DDX46: variants seen among roughly 807,000 people sequenced by gnomAD.
The protein encoded by DDX46 is probable ATP-dependent RNA helicase DDX46.
Under a neutral mutation model 134.9 loss-of-function variants are expected in DDX46, and 30 were observed. The observed-to-expected ratio is 0.22, with a 90% confidence interval of 0.17 to 0.30. The LOEUF (loss-of-function observed/expected upper bound fraction) is 0.30. Ranked by LOEUF, DDX46 falls within the 10% of genes least tolerant of loss-of-function variation. The probability of loss-of-function intolerance (pLI) is 1.00; values close to 1 mark genes in which losing one functional copy is unlikely to be tolerated. For missense variants in DDX46, 622 were observed against 1,248.7 expected (o/e 0.50, Z 7.56); for synonymous variants, 415 against 404.1 (o/e 1.03, Z -0.32).
intron 4 of DDX46, among the ~76,000 whole-genome samples, chr5:134,772,863 G>T (rs923141255): frequency 6.6e-6 from 1 of 152,062 alleles, no homozygotes; most frequent in Non-Finnish European, 1.5e-5. Context: ...GTACAATGGC[G>T]TGATCTCAGC....
intron 4 of DDX46, 82 bp from the exon 5 acceptor site, chr5:134,773,614 G>A: frequency 1.4e-6 from 2 of 1,439,976 alleles, no homozygotes; most frequent in Non-Finnish European, 1.8e-6. Context: ...GAACTTACTG[G>A]AATGTCACTT....
chr5:134,796,207 T>G, intron 15 of DDX46, 57 bp downstream of exon 15: 1 of 1,570,132 alleles, frequency 6.4e-7, no homozygotes, highest in East Asian at 2.2e-5. Flanking sequence ...CCAAGCATTG[T>G]GCTGTGTTCT....
At chr5:134,810,898 C>G (rs1043366610) in intron 16 of DDX46, among the ~76,000 whole-genome samples, 8 of 151,634 alleles carry the variant, frequency 5.3e-5, no homozygotes, top group Admixed American at 2.6e-4. Flanking sequence ...CCCAGTTACT[C>G]GGGAGGCTGA....
At chr5:134,770,795 C>G in intron 3 of DDX46, 108 bp from the exon 4 acceptor site, 1 of 918,230 alleles carries the variant, frequency 1.1e-6, no homozygotes, top group Non-Finnish European at 1.5e-6. Context: ...CCAGTCTGGG[C>G]GACAGAGTGA....
At chr5:134,772,091 C>T (rs1328785213) in intron 4 of DDX46, among the ~76,000 whole-genome samples, 5 of 152,002 alleles carry the variant, frequency 3.3e-5, no homozygotes, top group African/African-American at 7.2e-5. Flanking sequence ...ATTAGCCAGG[C>T]GTGATGGCGC....
At chr5:134,803,114 C>A (rs965418909) in intron 15 of DDX46, among the ~76,000 whole-genome samples, 1 of 152,182 alleles carries the variant, frequency 6.6e-6, no homozygotes, top group Admixed American at 6.5e-5. Flanking sequence ...CTGCCTCAGT[C>A]TCCCAAGTAG....
At chr5:134,780,156 ATG>A in intron 6 of DDX46, among the ~76,000 whole-genome samples, 1 of 149,272 alleles carries the variant, frequency 6.7e-6, no homozygotes, top group African/African-American at 2.5e-5. Context: ...ATATATGTGC[ATG>A]TATATGTGTA....
At chr5:134,810,626 G>A (rs1755115918) in intron 16 of DDX46, among the ~76,000 whole-genome samples, 1 of 151,878 alleles carries the variant, frequency 6.6e-6, no homozygotes, top group African/African-American at 2.4e-5. Context: ...TTACAGGCGT[G>A]AGCCACTGCG....
chr5:134,809,207 G>A (rs1475592693), intron 16 of DDX46, among the ~76,000 whole-genome samples: 1 of 152,028 alleles, frequency 6.6e-6, no homozygotes, highest in African/African-American at 2.4e-5. Flanking sequence ...TAGCCTATTT[G>A]GGCTCTGTCA....
At chr5:134,771,021 T>C (rs748310113) in intron 4 of DDX46, 22 bp downstream of exon 4, 5 of 969,204 alleles carry the variant, frequency 5.2e-6, no homozygotes, top group Non-Finnish European at 7.9e-6. Context: ...AACTTAAAAA[T>C]AATTTTCTTT....
intron 16 of DDX46, 89 bp downstream of exon 16, chr5:134,808,030 G>A: frequency 8.2e-7 from 1 of 1,222,762 alleles, no homozygotes; most frequent in Middle Eastern, 2.9e-4. Flanking sequence ...TAGGAGTTAT[G>A]GAGACATTTT....
intron 4 of DDX46, among the ~76,000 whole-genome samples, chr5:134,772,232 C>G (rs938637190): frequency 6.8e-6 from 1 of 148,122 alleles, no homozygotes; most frequent in African/African-American, 2.5e-5. Context: ...AACTCTGTCT[C>G]AAATGTGAAG....
At position 134,781,266 on chromosome 5, in the gene DDX46, A is replaced by C; in HGVS notation, c.879+20A>C. On this transcript the variant is annotated intron_variant, in intron 7 of 22. Coordinates refer to ENST00000452510, the MANE Select transcript of DDX46 (RefSeq NM_001300860.2). ...ATGGAGGTGATTTTTCTTAATTTTGACTTTGTTTATGATACTATCCTGGAA... is the reference window on the plus strand; with the variant it reads ...ATGGAGGTGATTTTTCTTAATTTTGCCTTTGTTTATGATACTATCCTGGAA... The C allele has an allele frequency of 6.3e-7, 1 of 1,575,520 alleles. No homozygotes were observed. The highest frequency in any genetic ancestry group is 8.7e-7 in the Non-Finnish European group (1 of 1,153,730).
intron 15 of DDX46, among the ~76,000 whole-genome samples, chr5:134,798,581 T>A (rs1754737757): frequency 6.6e-6 from 1 of 152,228 alleles, no homozygotes; most frequent in Non-Finnish European, 1.5e-5. Flanking sequence ...TACTGTCTAT[T>A]TCTAGAACGT....
chr5:134,781,771 A>C, intron 7 of DDX46, 150 bp from the exon 8 acceptor site: 1 of 724,720 alleles, frequency 1.4e-6, no homozygotes, highest in East Asian at 3.1e-5. Context: ...GAGCACTATA[A>C]AAATCTTGTG....
At chr5:134,794,731 G>A (rs1754599877) in intron 13 of DDX46, 119 bp from the exon 14 acceptor site, 2 of 1,268,706 alleles carry the variant, frequency 1.6e-6, no homozygotes. Context: ...TTGGGAGACT[G>A]TGGGAGTGGC....
At chr5:134,811,386 TA>T in intron 17 of DDX46, 28 bp downstream of exon 17, 1 of 1,606,736 alleles carries the variant, frequency 6.2e-7, no homozygotes, top group South Asian at 1.1e-5. Flanking sequence ...GTTACTCTTC[TA>T]GAAATCATTA....
At chr5:134,796,927 G>A (rs1309447729) in intron 15 of DDX46, among the ~76,000 whole-genome samples, 14 of 150,158 alleles carry the variant, frequency 9.3e-5, no homozygotes, top group Admixed American at 4.0e-4. Context: ...TGAGGCGGGC[G>A]GATCACCTGA....
intron 18 of DDX46, among the ~76,000 whole-genome samples, chr5:134,813,352 G>A (rs1755200935): frequency 6.6e-6 from 1 of 152,222 alleles, no homozygotes; most frequent in South Asian, 2.1e-4. Context: ...GAAATCAGGA[G>A]CAGTTTAGTC....
Sources: gnomAD v4.1 joint callset for allele counts (sites outside exome capture counted in the v4.1 genomes callset) on GRCh38, gnomAD v4.1.1 for gene constraint, MANE v1.5 for transcripts, NCBI Gene and HGNC (gene_info 2026-07-23, HGNC 2026-07-21) for gene names.